Variants in CNTN4 observed in about 807,000 individuals in gnomAD.
CNTN4 encodes the protein contactin-4.
A neutral mutation model predicts 122.5 loss-of-function variants in CNTN4; 77 were observed. That is an observed-to-expected ratio of 0.63 (90% CI 0.52 to 0.76). The LOEUF (loss-of-function observed/expected upper bound fraction) is 0.76. Among genes scored for constraint, CNTN4 ranks in the 30% least tolerant of loss-of-function variants. The probability of loss-of-function intolerance (pLI) is 0.00; values close to 1 mark genes in which losing one functional copy is unlikely to be tolerated. For missense variants in CNTN4, 1,256 were observed against 1,259.1 expected (o/e 1.00, Z 0.04); for synonymous variants, 512 against 447.0 (o/e 1.15, Z -1.83).
At chr3:2,544,405 C>G (rs2078156244) in intron 3 of CNTN4, among the ~76,000 whole-genome samples, 2 of 152,034 alleles carry the variant, frequency 1.3e-5, no homozygotes, top group Admixed American at 1.3e-4. Flanking sequence ...TAGAATATTG[C>G]CCAGTCATCA....
At chr3:2,307,645 T>A (rs1452466641) in intron 2 of CNTN4, among the ~76,000 whole-genome samples, 1 of 152,160 alleles carries the variant, frequency 6.6e-6, no homozygotes, top group East Asian at 1.9e-4. Context: ...TTGCATTTTT[T>A]AAATACTTTT....
chr3:2,253,094 A>G (rs1429454595), intron 2 of CNTN4, among the ~76,000 whole-genome samples: 1 of 152,098 alleles, frequency 6.6e-6, no homozygotes, highest in Non-Finnish European at 1.5e-5. Context: ...GCATTCCTGC[A>G]ATCTAGAATT....
intron 4 of CNTN4, among the ~76,000 whole-genome samples, chr3:2,576,149 A>G (rs2079672956): frequency 6.6e-6 from 1 of 152,008 alleles, no homozygotes; most frequent in African/African-American, 2.4e-5. Flanking sequence ...TCTTCTTTTT[A>G]TACAAAATAA....
intron 14 of CNTN4, among the ~76,000 whole-genome samples, chr3:3,007,845 A>G (rs1696809908): frequency 1.3e-5 from 2 of 152,220 alleles, no homozygotes; most frequent in Admixed American, 1.3e-4. Flanking sequence ...TATCCCAATT[A>G]GAATAAATGG....
At chr3:2,646,276 C>T (rs943971817) in intron 4 of CNTN4, among the ~76,000 whole-genome samples, 2 of 152,086 alleles carry the variant, frequency 1.3e-5, no homozygotes, top group African/African-American at 4.8e-5. Context: ...AATGAATATT[C>T]AATTTCTAGG....
intron 2 of CNTN4, among the ~76,000 whole-genome samples, chr3:2,233,073 A>T (rs2149556187): frequency 6.6e-6 from 1 of 151,624 alleles, no homozygotes; most frequent in East Asian, 1.9e-4. Flanking sequence ...AAACTATTCA[A>T]GCATGGCTAG....
At chr3:2,374,983 A>G (rs748839048) in intron 3 of CNTN4, among the ~76,000 whole-genome samples, 1 of 152,208 alleles carries the variant, frequency 6.6e-6, no homozygotes, top group Non-Finnish European at 1.5e-5. Context: ...GCAAAGTCCC[A>G]ATCCACTGAT....
chr3:3,010,812 T>A (rs1440820841), intron 14 of CNTN4, among the ~76,000 whole-genome samples: 1 of 152,120 alleles, frequency 6.6e-6, no homozygotes, highest in African/African-American at 2.4e-5. Flanking sequence ...AATAACCTTG[T>A]AAAAGAAACA....
chr3:2,981,364 A>G (rs59836927), intron 13 of CNTN4, among the ~76,000 whole-genome samples: 4,425 of 151,774 alleles, frequency 0.029, 140 homozygotes, highest in African/African-American at 0.061. Context: ...GAATGGCGTG[A>G]ACCCAGGAGT....
At chr3:2,355,196 T>C (rs190009132) in intron 3 of CNTN4, among the ~76,000 whole-genome samples, 38 of 152,334 alleles carry the variant, frequency 2.5e-4, no homozygotes, top group Admixed American at 8.5e-4. Context: ...AGCATAGTGA[T>C]AGAATTTTGT....
intron 4 of CNTN4, among the ~76,000 whole-genome samples, chr3:2,649,261 T>C (rs1390538427): frequency 1.3e-5 from 2 of 152,242 alleles, no homozygotes; most frequent in Non-Finnish European, 2.9e-5. Flanking sequence ...AACAGCCTTA[T>C]GTTGGAAGAA....
At position 3,051,794 on chromosome 3, in the gene CNTN4, G is replaced by A. The variant is rs181865930; in HGVS notation, c.2812-2013G>A. 1.0e-3 allele frequency among the ~76,000 whole-genome samples: 157 copies of A among 152,274 alleles called. 1 individual carries two copies. Among genetic ancestry groups the A allele is most frequent in the African/African-American group, 3.7e-3 (152 of 41,570 alleles). On this transcript the variant is annotated intron_variant, in intron 23 of 24. Coordinates refer to ENST00000418658, the MANE Select transcript of CNTN4 (RefSeq NM_175607.3). ...AGATGGGTTCTAAACCATTCTAAAGGAATTTTATGAATTTCACTTGTGTCT... is the reference window on the plus strand; with the variant it reads ...AGATGGGTTCTAAACCATTCTAAAGAAATTTTATGAATTTCACTTGTGTCT...
chr3:2,960,587 C>A (rs1267716191), intron 13 of CNTN4, among the ~76,000 whole-genome samples: 1 of 152,110 alleles, frequency 6.6e-6, no homozygotes, highest in Non-Finnish European at 1.5e-5. Flanking sequence ...TTTTGAGTTT[C>A]CTAGGATTCT....
chr3:2,229,418 G>C (rs978635245), intron 2 of CNTN4, among the ~76,000 whole-genome samples: 1 of 152,108 alleles, frequency 6.6e-6, no homozygotes, highest in African/African-American at 2.4e-5. Context: ...AATCTGTTAG[G>C]TAAAATGCAT....
chr3:2,660,940 G>A (rs1170480130), intron 4 of CNTN4, among the ~76,000 whole-genome samples: 1 of 152,158 alleles, frequency 6.6e-6, no homozygotes, highest in Non-Finnish European at 1.5e-5. Context: ...TCACAACTAG[G>A]CACCCCTCTA....
At chr3:2,534,065 C>T (rs2077703876) in intron 3 of CNTN4, among the ~76,000 whole-genome samples, 1 of 152,036 alleles carries the variant, frequency 6.6e-6, no homozygotes, top group Non-Finnish European at 1.5e-5. Flanking sequence ...TGCCTGTTCA[C>T]TCTGATGGTT....
At position 2,440,712 on chromosome 3, in the gene CNTN4, G is replaced by C. The variant is rs115756926; in HGVS notation, c.-89+101479G>C. 6.8e-3 allele frequency among the ~76,000 whole-genome samples: 1,027 copies of C among 150,818 alleles called. 13 individuals are homozygous for C. Among genetic ancestry groups the C allele is most frequent in the African/African-American group, 0.023 (956 of 41,182 alleles). Reference sequence around the variant, plus strand: ...TACGTATATATATGTATATACACACGTATGTATATACACACATATTTGTGT... The same window carrying C: ...TACGTATATATATGTATATACACACCTATGTATATACACACATATTTGTGT... On this transcript the variant is annotated intron_variant, in intron 3 of 24. Transcript: ENST00000418658.
At position 2,898,321 on chromosome 3, in the gene CNTN4, TTAAAAA is replaced by T. The variant is rs560923661; in HGVS notation, c.941-2359_941-2354del. 4.8e-3 allele frequency among the ~76,000 whole-genome samples: 725 copies of T among 152,306 alleles called. 4 individuals carry two copies. The highest frequency in any genetic ancestry group is 0.016 in the African/African-American group (680 of 41,558). On this transcript the variant is annotated intron_variant, in intron 10 of 24. Transcript: ENST00000418658. ...TTGTCTTCTATGAATTAATTTTACT[TTAAAAA>T]TAAAGAAAGTGCCAGGTGATCTCCC...
chr3:2,847,181 T>A (rs1338284537), intron 7 of CNTN4, among the ~76,000 whole-genome samples: 47 of 136,354 alleles, frequency 3.4e-4, no homozygotes, highest in Admixed American at 1.3e-3. Context: ...AAAAAAAAGA[T>A]AGACTTGGCA....
Sources: allele counts gnomAD v4.1 joint callset (sites outside exome capture counted in the v4.1 genomes callset), GRCh38; gene constraint gnomAD v4.1.1; transcripts MANE v1.5; gene names NCBI Gene and HGNC (gene_info 2026-07-23, HGNC 2026-07-21).